The following ZNF777 variants were observed in gnomAD, a reference collection of about 807,000 sequenced individuals.
ZNF777 encodes the protein zinc finger protein 777.
In ZNF777, 7 loss-of-function variants were observed where a neutral mutation model predicts 72.1. The observed-to-expected ratio is 0.10, with a 90% CI of 0.06 to 0.18. The LOEUF is 0.18. ZNF777 is among the 10% of genes least tolerant of loss of function. The pLI, the probability that ZNF777 is intolerant of heterozygous loss-of-function variation, is 1.00. For synonymous variants in ZNF777, 545 were observed against 483.5 expected, an observed-to-expected ratio of 1.13 and a Z score of -1.67; for missense variants, 828 against 1,128.6, an observed-to-expected ratio of 0.73 and a Z score of 3.82.
At chr7:149,459,518 G>A in intron 1 of ZNF777, 1 of 537,566 alleles carries the variant, frequency 1.9e-6, no homozygotes. Flanking sequence ...CGCCGCCCCC[G>A]ACGGGCCGCG....
rs201502980 is a variant in ZNF777 at position 149,455,449 on chromosome 7, C to T, written c.574G>A (p.Val192Ile). ...EITRLAVWAA[V>I]QAVERKLEAQ... The stretch of plus-strand genomic sequence containing the variant: ...TCCAGCTTCCTCTCCACTGCTTGGA[C>T]GGCAGCCCACACAGCCAAGCGGGTG... The change falls in exon 2 of 6, where the codon GTC (valine) becomes ATC (isoleucine). Residue 192 changes from valine (V) to isoleucine (I), a missense_variant. Transcript: ENST00000247930. This position sits in a 1 kb window ranked among gnomAD's most constrained non-coding sequence, Gnocchi z 4.2. 1.1e-5 allele frequency: 18 copies of T among 1,614,216 alleles called. No individual in the cohort carries two copies. Among genetic ancestry groups the T allele is most frequent in the East Asian group, 6.7e-5 (3 of 44,882 alleles).
intron 4 of ZNF777, among the ~76,000 whole-genome samples, chr7:149,448,272 C>T (rs1799639911): frequency 2.0e-5 from 3 of 151,448 alleles, no homozygotes; most frequent in Admixed American, 2.0e-4. Flanking sequence ...TCATGAGCAG[C>T]CTGACCAACA....
At chr7:149,453,989 TA>T in intron 3 of ZNF777, 121 bp downstream of exon 3, 1 of 1,444,994 alleles carries the variant, frequency 6.9e-7, no homozygotes, top group Non-Finnish European at 9.4e-7. Flanking sequence ...TTGTGATCTC[TA>T]CAACTCTGTT....
chr7:149,435,548 T>C (rs1362503422), intron 5 of ZNF777, among the ~76,000 whole-genome samples: 3 of 152,058 alleles, frequency 2.0e-5, no homozygotes, highest in Non-Finnish European at 4.4e-5. Flanking sequence ...AAAAGGCAAA[T>C]TATAGAGGAA....
chr7:149,431,804 T>C lies in ZNF777; in HGVS notation c.2468A>G (p.Tyr823Cys). 10 of 1,599,470 alleles carry C rather than the reference T, an allele frequency of 6.3e-6. No homozygotes were observed. Among genetic ancestry groups the C allele is most frequent in the Non-Finnish European group, 8.5e-6 (10 of 1,178,450 alleles). ...KCFRYKQSLK[Y>C]HLRTHTGE The stretch of plus-strand genomic sequence containing the variant: ...CTCGCCCGTGTGGGTCCGCAGGTGG[T>C]ACTTGAGCGACTGCTTGTAGCGGAA... The change falls in exon 6 of 6, where the codon TAC becomes TGC. Residue 823 changes from tyrosine to cysteine, a missense_variant. Physicochemically the swap from Tyr to Cys is radical, Grantham distance 194 (BLOSUM62 -2). This residue lies in a region of ZNF777 where 17 missense variants were observed against 36.1 expected (regional missense o/e 0.47). Coordinates refer to ENST00000247930, the MANE Select transcript of ZNF777 (RefSeq NM_015694.3).
Position 149,432,742 on chromosome 7 carries a change from G to A in ZNF777, c.1530C>T (p.Asn510=). ...EESPPPLQLG[N]PAVKRLAPSV... The stretch of plus-strand genomic sequence containing the variant: ...AGGGCGCCAGCCTTTTCACTGCGGG[G>A]TTTCCTAGCTGCAGGGGCGGGGGGC... Residue 510 remains asparagine (N), a synonymous_variant, in exon 6 of 6, where the codon AAC becomes AAT. Transcript: ENST00000247930. The A allele has an allele frequency of 6.2e-7, 1 of 1,611,806 alleles. No individual in the cohort carries two copies. The highest frequency in any genetic ancestry group is 8.5e-7 in the Non-Finnish European group (1 of 1,178,470).
At chr7:149,438,876 G>A (rs1799461996) in intron 4 of ZNF777, among the ~76,000 whole-genome samples, 1 of 152,072 alleles carries the variant, frequency 6.6e-6, no homozygotes, top group African/African-American at 2.4e-5. Flanking sequence ...GGAAGTGGAT[G>A]GAATATAAAG....
chr7:149,451,549 AGGCGTGGT>A (rs1799716908), intron 3 of ZNF777, among the ~76,000 whole-genome samples: 1 of 152,134 alleles, frequency 6.6e-6, no homozygotes, highest in South Asian at 2.1e-4. Flanking sequence ...AAAATTAGCC[AGGCGTGGT>A]GGCGGATGCC....
chr7:149,448,811 G>A (rs372537947), intron 4 of ZNF777, among the ~76,000 whole-genome samples: 3 of 151,664 alleles, frequency 2.0e-5, no homozygotes, highest in African/African-American at 7.3e-5. Context: ...TTTCAAGGCC[G>A]TGAATGAATG....
In ZNF777 at chr7:149,450,346, A is replaced by T. The variant is rs116937966; in HGVS notation, c.1087+653T>A. ...GTATACTGAGCCACTGCTATGTGCC[A>T]ATCACTGTGCCAGGCCCTACGGTTA... is the stretch of plus-strand genomic sequence containing the variant. On this transcript the variant is annotated intron_variant, in intron 4 of 5. Transcript: ENST00000247930. Among the ~76,000 whole-genome samples the T allele has an allele frequency of 0.015, 2,287 of 152,294 alleles. 106 individuals are homozygous for T. The East Asian group carries it at 0.18, about 12-fold the overall frequency.
intron 4 of ZNF777, among the ~76,000 whole-genome samples, chr7:149,446,042 G>A (rs1293103307): frequency 2.6e-5 from 4 of 152,146 alleles, no homozygotes; most frequent in African/African-American, 4.8e-5. Flanking sequence ...GAAAAACTTC[G>A]TTGCTGTTTC....
intron 3 of ZNF777, among the ~76,000 whole-genome samples, chr7:149,452,533 T>G (rs1262661952): frequency 6.7e-6 from 1 of 148,276 alleles, no homozygotes; most frequent in East Asian, 2.0e-4. Flanking sequence ...CTCGGGAGGC[T>G]GAGGTAGGAG....
At chr7:149,448,733 T>C (rs1563237953) in intron 4 of ZNF777, among the ~76,000 whole-genome samples, 2 of 151,640 alleles carry the variant, frequency 1.3e-5, no homozygotes, top group Non-Finnish European at 2.9e-5. Context: ...GCCTTCTGGT[T>C]CGCTTTACTC....
At chr7:149,456,600 G>A (rs149776042) in intron 1 of ZNF777, among the ~76,000 whole-genome samples, 176 of 152,310 alleles carry the variant, frequency 1.2e-3, no homozygotes, top group African/African-American at 4.2e-3. Flanking sequence ...ACCAGCAGGG[G>A]CCAGAACTGT....
Position 149,436,427 on chromosome 7 carries a change from C to T in ZNF777, c.1339+148G>A, listed in dbSNP as rs1380643511. ...AGTCCCGCGTCACGGAGCCTATACT[C>T]GAGGCCGTGCTTGGTAATTCTTTCC... On this transcript the variant is annotated intron_variant, in intron 5 of 5. Transcript: ENST00000247930. The surrounding 1 kb of genome is among the most constrained non-coding windows in gnomAD (Gnocchi z 5.0). 10 of 958,796 alleles carry T rather than the reference C, an allele frequency of 1.0e-5. No individual in the cohort carries two copies. Among genetic ancestry groups the T allele is most frequent in the South Asian group, 6.6e-5 (4 of 60,308 alleles). The allele number at this position is 958,796 out of a possible 1,614,324, so 59.4% of individuals were successfully genotyped here.
In ZNF777 at chr7:149,432,271, G is replaced by A. The variant is rs779163338; in HGVS notation, c.2001C>T (p.Pro667=). ...THTGERPYTC[P]ECKKSFRLHI... ...GCAGGCGGAAGCTCTTCTTGCACTCGGGGCACGTGTAGGGCCGCTCACCCG... is the reference window on the plus strand; with the variant it reads ...GCAGGCGGAAGCTCTTCTTGCACTCAGGGCACGTGTAGGGCCGCTCACCCG... Residue 667 remains proline, a synonymous_variant, in exon 6 of 6, where the codon CCC becomes CCT. Coordinates refer to ENST00000247930, the MANE Select transcript of ZNF777 (RefSeq NM_015694.3). 6.2e-7 allele frequency: 1 copy of A among 1,607,792 alleles called. No homozygotes were observed. The highest frequency in any genetic ancestry group is 8.5e-7 in the Non-Finnish European group (1 of 1,179,326).
intron 3 of ZNF777, among the ~76,000 whole-genome samples, chr7:149,452,235 A>G (rs925495730): frequency 7.9e-5 from 12 of 151,560 alleles, no homozygotes; most frequent in Non-Finnish European, 1.8e-4. Flanking sequence ...ACTGCACTCT[A>G]GCCTGGGCAA....
rs772008162 is a variant in ZNF777, at chr7:149,432,841, C to T, written c.1431G>A (p.Gln477=). The T allele has an allele frequency of 6.3e-7, 1 of 1,590,782 alleles. No homozygotes were observed. Among genetic ancestry groups the T allele is most frequent in the Admixed American group, 1.7e-5 (1 of 57,556 alleles). ...TACTGGCCTCATATCTCCCGGACAG[C>T]TGCCCAAGGGATTGCAAGTGCTGCG... ...ELPQHLQSLG[Q]LSGRYEASMY... The change falls in exon 6 of 6, where the codon CAG becomes CAA. Residue 477 remains glutamine, a synonymous_variant. Coordinates refer to ENST00000247930, the MANE Select transcript of ZNF777 (RefSeq NM_015694.3).
chr7:149,432,016 G>A lies in ZNF777; in HGVS notation c.2256C>T (p.Cys752=), dbSNP rs374573170. Residue 752 remains cysteine, a synonymous_variant, in exon 6 of 6, where the codon TGC becomes TGT. Transcript: ENST00000247930. ...GGATGAAGCTCTTGCCGCACTCGGG[G>A]CAGGCGTGCGGCCGCTCGCGCGAGT... ...RVHSRERPHA[C]PECGKSFIRK... is the part of the protein sequence containing the mutation. 1.9e-5 allele frequency: 31 copies of A among 1,609,586 alleles called. No homozygotes were observed. The highest frequency in any genetic ancestry group is 6.7e-5 in the African/African-American group (5 of 74,906).
Sources: allele counts gnomAD v4.1 joint callset (sites outside exome capture counted in the v4.1 genomes callset), GRCh38; gene constraint gnomAD v4.1.1; regional missense constraint gnomAD v4.1.1; non-coding constraint Gnocchi (gnomAD v3.1); transcripts MANE v1.5; gene names NCBI Gene and HGNC (gene_info 2026-07-23, HGNC 2026-07-21).